Variants in SEMA3A observed in about 807,000 individuals in gnomAD.
The protein encoded by SEMA3A is semaphorin 3A, also known as semaphorin-3A.
Under a neutral mutation model 97.9 loss-of-function variants are expected in SEMA3A, and 29 were observed. The observed-to-expected ratio is 0.30, with a 90% confidence interval of 0.22 to 0.40. The LOEUF is 0.40. SEMA3A is among the 10% of genes least tolerant of loss of function. The probability of loss-of-function intolerance (pLI) is 1.00; values close to 1 mark genes in which losing one functional copy is unlikely to be tolerated. For synonymous variants in SEMA3A, 321 were observed against 323.7 expected (o/e 0.99, Z 0.09); for missense variants, 763 against 951.3 (o/e 0.80, Z 2.60).
chr7:84,034,363 T>C (rs1266329913), intron 6 of SEMA3A, among the ~76,000 whole-genome samples: 14 of 152,256 alleles, frequency 9.2e-5, no homozygotes, highest in East Asian at 5.8e-4. Flanking sequence ...ATTTTGCAAA[T>C]TGCAGAAATA....
At chr7:84,293,502 C>T (rs1800799763) in intron 3 of SEMA3A, among the ~76,000 whole-genome samples, 1 of 151,912 alleles carries the variant, frequency 6.6e-6, no homozygotes, top group Non-Finnish European at 1.5e-5. Flanking sequence ...AGAAAAGTAT[C>T]AAATTAATTT....
intron 1 of SEMA3A, among the ~76,000 whole-genome samples, chr7:84,386,249 C>A (rs772878558): frequency 5.3e-5 from 8 of 152,152 alleles, no homozygotes; most frequent in Non-Finnish European, 8.8e-5. Context: ...CTCAATGCAA[C>A]AAAGGCTTAT....
intron 1 of SEMA3A, among the ~76,000 whole-genome samples, chr7:84,451,315 C>T (rs974635965): frequency 6.6e-6 from 1 of 152,024 alleles, no homozygotes; most frequent in Non-Finnish European, 1.5e-5. Flanking sequence ...TTTTCCTTCC[C>T]CCTTGGGTCA....
chr7:84,376,029 C>CT (rs1218606550), intron 1 of SEMA3A, among the ~76,000 whole-genome samples: 36 of 152,224 alleles, frequency 2.4e-4, no homozygotes, highest in African/African-American at 8.7e-4. Flanking sequence ...GTATTTCATT[C>CT]TTTTTATGGC....
intron 1 of SEMA3A, among the ~76,000 whole-genome samples, chr7:84,410,480 A>G (rs1804233063): frequency 6.6e-6 from 1 of 152,136 alleles, no homozygotes; most frequent in Non-Finnish European, 1.5e-5. Context: ...ACACCTGTAA[A>G]GAAGAAAATT....
intron 6 of SEMA3A, among the ~76,000 whole-genome samples, chr7:84,023,890 T>TA (rs984296263): frequency 1.3e-5 from 2 of 151,776 alleles, no homozygotes; most frequent in Non-Finnish European, 2.9e-5. Flanking sequence ...CGGGTACCTG[T>TA]AGTCCCAGCT....
chr7:84,464,277 C>T (rs931233692), intron 1 of SEMA3A, among the ~76,000 whole-genome samples: 12 of 152,116 alleles, frequency 7.9e-5, no homozygotes, highest in African/African-American at 2.9e-4. Flanking sequence ...GCATCACAAG[C>T]GACTTGCAGA....
intron 1 of SEMA3A, among the ~76,000 whole-genome samples, chr7:84,176,866 A>C (rs1460530274): frequency 6.6e-6 from 1 of 152,148 alleles, no homozygotes; most frequent in Non-Finnish European, 1.5e-5. Flanking sequence ...TTCAGTAGTG[A>C]AGATAACTGA....
chr7:84,307,091 G>A (rs986183630), intron 3 of SEMA3A: 3 of 151,968 alleles, frequency 2.0e-5, no homozygotes, highest in African/African-American at 7.2e-5. Context: ...AAAAGAAAGT[G>A]CTCTTAATTT....
intron 5 of SEMA3A, among the ~76,000 whole-genome samples, chr7:84,051,364 T>C (rs113437655): frequency 0.55 from 82,369 of 150,160 alleles, 24,234 homozygotes; most frequent in Non-Finnish European, 0.66. Context: ...CTTCCTTTTG[T>C]TTGTATCCTC....
chr7:84,155,503 T>C (rs575891484), intron 1 of SEMA3A, among the ~76,000 whole-genome samples: 1 of 152,238 alleles, frequency 6.6e-6, no homozygotes, highest in South Asian at 2.1e-4. Context: ...TTTTCCACTT[T>C]AGGAATTTCT....
rs2116248358 is a variant in SEMA3A, at chr7:83,961,630, G to C, written c.2057C>G (p.Ser686Cys). The change falls in exon 17 of 17, where the codon TCT (serine) becomes TGT (cysteine). Residue 686 changes from serine to cysteine, a missense_variant. This residue lies in a region of SEMA3A where 678 missense variants were observed against 881.3 expected (regional missense o/e 0.77). Transcript: ENST00000265362. ...GCTATTGGACATTTCTTTGGTCTTAGAGCCATCTCCATCATCATCTTTATG... is the reference window on the plus strand; with the variant it reads ...GCTATTGGACATTTCTTTGGTCTTACAGCCATCTCCATCATCATCTTTATG... ...LLHKDDDGDG[S>C]KTKEMSNSMT... 1 of 1,613,992 alleles carries C rather than the reference G, an allele frequency of 6.2e-7. No homozygotes were observed. Among genetic ancestry groups the C allele is most frequent in the South Asian group, 1.1e-5 (1 of 91,072 alleles).
At chr7:84,066,397 C>A (rs1169415416) in intron 4 of SEMA3A, among the ~76,000 whole-genome samples, 1 of 147,574 alleles carries the variant, frequency 6.8e-6, no homozygotes, top group Non-Finnish European at 1.5e-5. Flanking sequence ...TCCTATTCAA[C>A]ATAGTGTTCG....
Position 84,303,302 on chromosome 7 carries a change from T to G in SEMA3A, c.-83+3905A>C, listed in dbSNP as rs570577830. Reference sequence around the variant, plus strand: ...CACTAAGGTTGCTTGTTACTAAAACTGAGTGTGAACTCAATTGCAGCATAA... The same window carrying G: ...CACTAAGGTTGCTTGTTACTAAAACGGAGTGTGAACTCAATTGCAGCATAA... On this transcript the variant is annotated intron_variant, in intron 3 of 3. Coordinates refer to the SEMA3A transcript ENST00000424555. Among the ~76,000 whole-genome samples the G allele has an allele frequency of 3.3e-5, 5 of 152,270 alleles. 1 individual carries two copies. The highest frequency in any genetic ancestry group is 1.2e-4 in the African/African-American group (5 of 41,536).
At chr7:84,408,398 TGCTGGAGA>T (rs1804164354) in intron 1 of SEMA3A, among the ~76,000 whole-genome samples, 1 of 151,700 alleles carries the variant, frequency 6.6e-6, no homozygotes, top group Admixed American at 6.6e-5. Context: ...AAACAACAGG[TGCTGGAGA>T]GGATGTGGAG....
At chr7:84,341,154 A>C (rs1802158829) in intron 2 of SEMA3A, among the ~76,000 whole-genome samples, 1 of 152,186 alleles carries the variant, frequency 6.6e-6, no homozygotes, top group Non-Finnish European at 1.5e-5. Context: ...TTTCTGCTAC[A>C]CTTCATGTAG....
At chr7:84,331,530 T>C (rs889200336) in intron 2 of SEMA3A, among the ~76,000 whole-genome samples, 1 of 152,158 alleles carries the variant, frequency 6.6e-6, no homozygotes, top group African/African-American at 2.4e-5. Flanking sequence ...TGTGGTTTTA[T>C]ATGCTTCTAA....
chr7:84,329,449 T>G (rs987418824), intron 2 of SEMA3A, among the ~76,000 whole-genome samples: 5 of 152,070 alleles, frequency 3.3e-5, no homozygotes, highest in African/African-American at 1.2e-4. Context: ...TAATATATTT[T>G]ATATGTGGTC....
chr7:84,424,322 A>T (rs1375254425), intron 1 of SEMA3A, among the ~76,000 whole-genome samples: 1 of 143,104 alleles, frequency 7.0e-6, no homozygotes, highest in Non-Finnish European at 1.5e-5. Context: ...AATACATTCT[A>T]TATAATATGA....
Sources: allele counts gnomAD v4.1 joint callset (sites outside exome capture counted in the v4.1 genomes callset), GRCh38; gene constraint gnomAD v4.1.1; regional missense constraint gnomAD v4.1.1; transcripts MANE v1.5; gene names NCBI Gene and HGNC (gene_info 2026-07-23, HGNC 2026-07-21).